The following DAB1 variants were observed in gnomAD, a reference collection of about 807,000 sequenced individuals.
DAB1 encodes the protein disabled homolog 1.
Under a neutral mutation model 64.6 loss-of-function variants are expected in DAB1, and 15 were observed. The ratio of observed to expected loss-of-function variants is 0.23; its 90% CI spans 0.16 to 0.36. The LOEUF (loss-of-function observed/expected upper bound fraction) is 0.36, where lower values mean the gene tolerates loss of function less well. DAB1 is among the 10% of genes least tolerant of loss of function. DAB1 has a pLI of 1.00. For missense variants in DAB1, 596 were observed against 706.7 expected, an observed-to-expected ratio of 0.84 and a Z score of 1.78; for synonymous variants, 235 against 251.9, an observed-to-expected ratio of 0.93 and a Z score of 0.64.
At chr1:58,433,745 T>C (rs1644911454) in intron 3 of DAB1, among the ~76,000 whole-genome samples, 1 of 151,972 alleles carries the variant, frequency 6.6e-6, no homozygotes, top group South Asian at 2.1e-4. Flanking sequence ...CAATAACCCA[T>C]TCCTGAAAGA....
intron 7 of DAB1, among the ~76,000 whole-genome samples, chr1:57,614,868 CTTT>C (rs34907824): frequency 7.7e-5 from 3 of 38,758 alleles, no homozygotes; most frequent in Non-Finnish European, 1.3e-4. Flanking sequence ...TTCTTTCTTT[CTTT>C]TTTTTTTTTT....
chr1:58,020,875 C>T (rs1273480273), intron 5 of DAB1, among the ~76,000 whole-genome samples: 2 of 152,108 alleles, frequency 1.3e-5, no homozygotes, highest in African/African-American at 4.8e-5. Context: ...TGATGGCGCA[C>T]ACCTGTAATC....
At chr1:57,002,916 C>T (rs2100216598) in intron 14 of DAB1, among the ~76,000 whole-genome samples, 1 of 152,304 alleles carries the variant, frequency 6.6e-6, no homozygotes, top group Non-Finnish European at 1.5e-5. Context: ...TGTTGATTGT[C>T]TAGCACAGAG....
At chr1:58,487,646 GT>G (rs1254726635) in intron 3 of DAB1, among the ~76,000 whole-genome samples, 3 of 152,100 alleles carry the variant, frequency 2.0e-5, no homozygotes, top group East Asian at 3.8e-4. Context: ...GGTTCTAATA[GT>G]TTTTTAAATT....
chr1:57,345,412 A>G (rs978352368), intron 1 of DAB1, among the ~76,000 whole-genome samples: 3 of 152,228 alleles, frequency 2.0e-5, no homozygotes, highest in Admixed American at 1.3e-4. Flanking sequence ...AGGATGGTCA[A>G]TAAAGGGAAA....
In DAB1 at chr1:58,170,461, C is replaced by T. The variant is rs138413444; in HGVS notation, n.310-19873G>A. Among the ~76,000 whole-genome samples, 54 of 152,170 alleles carry T rather than the reference C, an allele frequency of 3.5e-4. No individual in the cohort carries two copies. The East Asian group carries it at 8.1e-3, about 23-fold the overall frequency. On this transcript the variant is annotated intron_variant and non_coding_transcript_variant, in intron 4 of 20. Transcript: ENST00000485760. ...AGATATCAGAAGAAAGCTCCAAAGGCGAGCCCTGGGCCCTGAACAAAATCT... is the reference window on the plus strand; with the variant it reads ...AGATATCAGAAGAAAGCTCCAAAGGTGAGCCCTGGGCCCTGAACAAAATCT...
At chr1:57,576,783 A>G (rs1471516377) in intron 7 of DAB1, among the ~76,000 whole-genome samples, 1 of 152,224 alleles carries the variant, frequency 6.6e-6, no homozygotes, top group Non-Finnish European at 1.5e-5. Flanking sequence ...AATTCCAAAA[A>G]ACCAAGTCTG....
At chr1:57,613,513 A>T (rs534280048) in intron 7 of DAB1, among the ~76,000 whole-genome samples, 2 of 152,306 alleles carry the variant, frequency 1.3e-5, no homozygotes, top group African/African-American at 4.8e-5. Context: ...AGGGCCGATT[A>T]AGTAACCAAT....
At chr1:57,442,362 T>C (rs1406635009) in intron 7 of DAB1, among the ~76,000 whole-genome samples, 2 of 152,200 alleles carry the variant, frequency 1.3e-5, no homozygotes, top group Non-Finnish European at 2.9e-5. Flanking sequence ...CAGCTGTCTC[T>C]AGAAAAGCAA....
At chr1:57,693,430 G>A (rs368763341) in intron 6 of DAB1, among the ~76,000 whole-genome samples, 2 of 152,080 alleles carry the variant, frequency 1.3e-5, no homozygotes, top group African/African-American at 4.8e-5. Context: ...CTGTAAAAAC[G>A]CACCAATCAG....
chr1:58,152,573 T>C (rs1204568452), intron 4 of DAB1, among the ~76,000 whole-genome samples: 2 of 152,206 alleles, frequency 1.3e-5, no homozygotes, highest in Non-Finnish European at 2.9e-5. Flanking sequence ...ATGGGGAGAA[T>C]GATGCCTGTC....
chr1:57,973,562 G>T (rs1645849010), intron 5 of DAB1, among the ~76,000 whole-genome samples: 1 of 152,122 alleles, frequency 6.6e-6, no homozygotes, highest in African/African-American at 2.4e-5. Flanking sequence ...AAACACAACA[G>T]ATACATCTCC....
chr1:58,143,054 G>A (rs779885913), intron 5 of DAB1, among the ~76,000 whole-genome samples: 1 of 152,062 alleles, frequency 6.6e-6, no homozygotes, highest in African/African-American at 2.4e-5. Context: ...TAGAAACTCC[G>A]GTGGTGAAAC....
intron 6 of DAB1, among the ~76,000 whole-genome samples, chr1:57,809,048 G>A (rs1651498363): frequency 6.6e-6 from 1 of 152,168 alleles, no homozygotes; most frequent in African/African-American, 2.4e-5. Context: ...CCTACAAACA[G>A]AGAAGCATTT....
At chr1:57,389,218 A>C (rs989761414) in intron 1 of DAB1, among the ~76,000 whole-genome samples, 1 of 152,154 alleles carries the variant, frequency 6.6e-6, no homozygotes, top group Non-Finnish European at 1.5e-5. Flanking sequence ...ATTTCTTGTC[A>C]ATTTTCATCT....
chr1:57,945,027 T>C (rs2207985), intron 5 of DAB1, among the ~76,000 whole-genome samples: 61,444 of 152,038 alleles, frequency 0.4, 13,558 homozygotes, highest in Admixed American at 0.51. Context: ...ATATAGAATG[T>C]CCTGTAAGTG....
intron 6 of DAB1, among the ~76,000 whole-genome samples, chr1:57,697,193 A>G (rs1646854764): frequency 6.6e-6 from 1 of 152,112 alleles, no homozygotes; most frequent in South Asian, 2.1e-4. Flanking sequence ...TATAATAGAT[A>G]TCTAATGAAG....
intron 5 of DAB1, among the ~76,000 whole-genome samples, chr1:58,119,207 A>G (rs960097506): frequency 1.5e-5 from 2 of 134,246 alleles, no homozygotes; most frequent in African/African-American, 5.6e-5. Flanking sequence ...TCTGAAAATC[A>G]AATATTGTGT....
intron 11 of DAB1, among the ~76,000 whole-genome samples, chr1:57,017,544 C>T (rs954787222): frequency 3.9e-5 from 6 of 152,158 alleles, no homozygotes; most frequent in Non-Finnish European, 8.8e-5. Context: ...TCATTTTCCT[C>T]GCAAGGTGCC....
Sources: allele counts gnomAD v4.1 joint callset (sites outside exome capture counted in the v4.1 genomes callset), GRCh38; gene constraint gnomAD v4.1.1; transcripts MANE v1.5; gene names NCBI Gene and HGNC (gene_info 2026-07-23, HGNC 2026-07-21).